The following KRT74 variants were observed in gnomAD, a reference collection of about 807,000 sequenced individuals.
The protein encoded by KRT74 is keratin, type II cytoskeletal 74.
In KRT74, 43 loss-of-function variants were observed where a neutral mutation model predicts 42.7. The observed-to-expected ratio is 1.01, with a 90% CI of 0.79 to 1.30. The LOEUF (loss-of-function observed/expected upper bound fraction) is 1.30, where lower values mean the gene tolerates loss of function less well. Ranked by LOEUF, KRT74 falls within the 50% of genes most tolerant of loss-of-function variation. KRT74 has a pLI of 0.00. For missense variants in KRT74, 736 were observed against 689.1 expected (o/e 1.07, Z -0.76); for synonymous variants, 302 against 279.0 (o/e 1.08, Z -0.82).
intron 3 of KRT74, 81 bp downstream of exon 3, chr12:52,571,863 C>G: frequency 1.0e-6 from 1 of 1,002,156 alleles, no homozygotes; most frequent in South Asian, 1.3e-5. Context: ...CCCTCCCCAG[C>G]CTCCTGGGCT....
rs369795843 is a variant in KRT74 at position 52,572,579 on chromosome 12, A to G, written c.560T>C (p.Leu187Pro). 1 of 1,614,210 alleles carries G rather than the reference A, an allele frequency of 6.2e-7. No individual in the cohort carries two copies. Among genetic ancestry groups the G allele is most frequent in the East Asian group, 2.2e-5 (1 of 44,880 alleles). ...GATGTAGCCCTCAAGGATGGGCTCC[A>G]GGTTCTTCTTGCAGTTGTTCAGGTC... The part of the protein sequence containing the change: ...QLDLNNCKKN[L>P]EPILEGYISN... The change falls in exon 2 of 9, where the codon CTG becomes CCG. Residue 187 changes from leucine to proline, a missense_variant. Coordinates refer to ENST00000305620, the MANE Select transcript of KRT74 (RefSeq NM_175053.4).
intron 7 of KRT74, 76 bp from the exon 8 acceptor site, chr12:52,567,769 T>C (rs1298693609): frequency 3.9e-6 from 4 of 1,031,500 alleles, no homozygotes; most frequent in Admixed American, 3.5e-5. Flanking sequence ...CTCCTGCTTT[T>C]ATACGTGCAT....
intron 6 of KRT74, among the ~76,000 whole-genome samples, chr12:52,569,199 T>C (rs943545932): frequency 6.6e-6 from 1 of 151,970 alleles, no homozygotes; most frequent in African/African-American, 2.4e-5. Context: ...CAGCCTCCAA[T>C]ATCATCTCCC....
At chr12:52,571,581 A>G (rs1289012258) in intron 3 of KRT74, 127 bp from the exon 4 acceptor site, 15 of 738,080 alleles carry the variant, frequency 2.0e-5, no homozygotes, top group Non-Finnish European at 3.6e-5. Flanking sequence ...CTCAATATCA[A>G]TTTCTTCTCA....
rs1403738756 is a variant in KRT74, at chr12:52,573,347, A to G, written c.431T>C (p.Ile144Thr). Residue 144 changes from isoleucine to threonine, a missense_variant, in exon 1 of 9, where the codon ATC (isoleucine) becomes ACC (threonine). By Grantham distance (89) the Ile-to-Thr change is moderately conservative. Transcript: ENST00000305620. ...QKVRAQEREQ[I>T]KVLNDKFASF... Reference sequence around the variant, plus strand: ...GGCGAACTTGTCGTTCAGCACCTTGATCTGTTCCCGCTCCTGGGCGCGCAC... The same window carrying G: ...GGCGAACTTGTCGTTCAGCACCTTGGTCTGTTCCCGCTCCTGGGCGCGCAC... 9.3e-6 allele frequency: 15 copies of G among 1,614,124 alleles called. No homozygotes were observed. Among genetic ancestry groups the G allele is most frequent in the Non-Finnish European group, 1.1e-5 (13 of 1,180,024 alleles).
At position 52,573,320 on chromosome 12, in the gene KRT74, G is replaced by T. The variant is rs370968218; in HGVS notation, c.458C>A (p.Ser153Tyr). The change falls in exon 1 of 9, where the codon TCC (serine) becomes TAC (tyrosine). Residue 153 changes from serine (S) to tyrosine (Y), a missense_variant. Coordinates refer to ENST00000305620, the MANE Select transcript of KRT74 (RefSeq NM_175053.4). Reference protein sequence around the residue: ...QIKVLNDKFASFIDKVRFLEQ... With the variant: ...QIKVLNDKFAYFIDKVRFLEQ... ...TATGAGACCCACCTTGTCAATGAAG[G>T]AGGCGAACTTGTCGTTCAGCACCTT... is the stretch of plus-strand genomic sequence containing the variant. The T allele has an allele frequency of 3.7e-6, 6 of 1,614,054 alleles. No individual in the cohort carries two copies. The highest frequency in any genetic ancestry group is 4.5e-5 in the East Asian group (2 of 44,880).
chr12:52,569,369 A>T, intron 6 of KRT74: 1 of 376,326 alleles, frequency 2.7e-6, no homozygotes, highest in Non-Finnish European at 4.7e-6. Context: ...ACCATGCCCC[A>T]CTCCGAGAGC....
intron 2 of KRT74, 44 bp downstream of exon 2, chr12:52,572,409 G>A: frequency 6.2e-7 from 1 of 1,600,338 alleles, no homozygotes; most frequent in Non-Finnish European, 8.6e-7. Flanking sequence ...GAGCCCAGAG[G>A]CACGGGAAAC....
intron 6 of KRT74, chr12:52,569,534 G>A (rs896608486): frequency 5.0e-6 from 3 of 598,656 alleles, no homozygotes; most frequent in African/African-American, 3.7e-5. Flanking sequence ...GAAAAAATCT[G>A]CAGAAGGGGA....
intron 5 of KRT74, 119 bp from the exon 6 acceptor site, chr12:52,570,103 G>T (rs1013474655): frequency 1.7e-6 from 2 of 1,171,514 alleles, no homozygotes; most frequent in African/African-American, 1.5e-5. Context: ...GAAGAGGAGT[G>T]CTGGGACAGG....
chr12:52,571,871 G>T, intron 3 of KRT74, 73 bp downstream of exon 3: 1 of 1,065,018 alleles, frequency 9.4e-7, no homozygotes, highest in Non-Finnish European at 1.5e-6. Flanking sequence ...AGCCTCCTGG[G>T]CTGAAGTCCT....
chr12:52,569,829 C>G, intron 6 of KRT74, 30 bp downstream of exon 6: 1 of 1,613,966 alleles, frequency 6.2e-7, no homozygotes. Context: ...GCTGTGGAGA[C>G]CGGGAGTTCT....
rs1332852024 is a variant in KRT74, at chr12:52,566,286, G to A, written c.*683C>T. ...TTCTTTGCAGGAATGGATGAGAACAGGAGGCAATATGTGTAGGGTGTCTGG... is the reference window on the plus strand; with the variant it reads ...TTCTTTGCAGGAATGGATGAGAACAAGAGGCAATATGTGTAGGGTGTCTGG... On this transcript the variant is annotated 3_prime_UTR_variant, in exon 9 of 9. Transcript: ENST00000305620. The A allele has an allele frequency of 1.3e-5, 2 of 152,088 alleles. No homozygotes were observed. The highest frequency in any genetic ancestry group is 4.8e-5 in the African/African-American group (2 of 41,382). The allele number at this position is 152,088 out of a possible 1,614,324, so 9.4% of individuals were successfully genotyped here.
rs955075826 is a variant in KRT74 at position 52,571,992 on chromosome 12, C to A, written c.699G>T (p.Glu233Asp). The change falls in exon 3 of 9, where the codon GAG becomes GAT. Residue 233 changes from glutamate to aspartate, a missense_variant. Glu to Asp is a conservative substitution (Grantham distance 45). Transcript: ENST00000305620. ...TCTCTGCTGTCGTGCGCCGGTTAATCTCCACTTCATATCTGCCAGCAGGGA... is the reference window on the plus strand; with the variant it reads ...TCTCTGCTGTCGTGCGCCGGTTAATATCCACTTCATATCTGCCAGCAGGGA... ...VEDYKKRYEVEINRRTTAENE... is the reference protein window; with the variant it reads ...VEDYKKRYEVDINRRTTAENE... 6.3e-7 allele frequency: 1 copy of A among 1,598,886 alleles called. No individual in the cohort carries two copies. Among genetic ancestry groups the A allele is most frequent in the African/African-American group, 1.3e-5 (1 of 74,434 alleles).
chr12:52,573,614 C>A lies in KRT74; in HGVS notation c.164G>T (p.Gly55Val). Residue 55 changes from glycine to valine, a missense_variant, in exon 1 of 9, where the codon GGG becomes GTG. Gly to Val is a moderately radical substitution (Grantham distance 109, BLOSUM62 -3). Coordinates refer to ENST00000305620, the MANE Select transcript of KRT74 (RefSeq NM_175053.4). The stretch of plus-strand genomic sequence containing the variant: ...CACATTGAAAGAAATACGCCGATTC[C>A]CTCCAAGGCTATAGAGGCTCCGACT... The part of the protein sequence containing the change: ...FGSRSLYSLG[G>V]NRRISFNVAG... 1 of 1,614,232 alleles carries A rather than the reference C, an allele frequency of 6.2e-7. No homozygotes were observed. Among genetic ancestry groups the A allele is most frequent in the Non-Finnish European group, 8.5e-7 (1 of 1,180,048 alleles).
At chr12:52,570,037 G>T (rs1939450186) in intron 5 of KRT74, 53 bp from the exon 6 acceptor site, 7 of 1,608,154 alleles carry the variant, frequency 4.4e-6, no homozygotes, top group Non-Finnish European at 5.9e-6. Flanking sequence ...CTGGGGAAGG[G>T]TCCTGTAAAT....
At position 52,569,846 on chromosome 12, in the gene KRT74, G is replaced by T; in HGVS notation, c.1134+13C>A. 1 of 1,614,092 alleles carries T rather than the reference G, an allele frequency of 6.2e-7. No individual in the cohort carries two copies. The highest frequency in any genetic ancestry group is 8.5e-7 in the Non-Finnish European group (1 of 1,180,022). ...TGTGGAGACCGGGAGTTCTTTGTGG[G>T]GCTGCTGCCCACCTGCTTCTTCACA... On this transcript the variant is annotated intron_variant, in intron 6 of 8. Transcript: ENST00000305620.
intron 2 of KRT74, 89 bp from the exon 3 acceptor site, chr12:52,572,093 T>C (rs11170175): frequency 1.0e-6 from 1 of 976,998 alleles, no homozygotes; most frequent in African/African-American, 1.6e-5. Context: ...GGATACAGGG[T>C]CCCTGCAGGG....
Position 52,566,977 on chromosome 12 carries a change from T to C in KRT74, c.1582A>G (p.Thr528Ala). The C allele has an allele frequency of 1.2e-6, 2 of 1,609,510 alleles. No individual in the cohort carries two copies. The highest frequency in any genetic ancestry group is 2.2e-5 in the East Asian group (1 of 44,802). Residue 528 changes from threonine (T) to alanine (A), a missense_variant, in exon 9 of 9, where the codon ACC (threonine) becomes GCC (alanine). By Grantham distance (58) the Thr-to-Ala change is moderately conservative (BLOSUM62 0). Coordinates refer to ENST00000305620, the MANE Select transcript of KRT74 (RefSeq NM_175053.4). ...TPASIPARKA[T>A]R ...TGGGTGAGGCCATGGGTCTAGCGGG[T>C]GGCTTTCCTTGCTGGGATGCTGGCT...
Sources: gnomAD v4.1 joint callset for allele counts (sites outside exome capture counted in the v4.1 genomes callset) on GRCh38, gnomAD v4.1.1 for gene constraint, MANE v1.5 for transcripts, NCBI Gene and HGNC (gene_info 2026-07-23, HGNC 2026-07-21) for gene names.